Variants in SNX31 observed in about 807,000 individuals in gnomAD.
SNX31 encodes sorting nexin 31.
A neutral mutation model predicts 65.4 loss-of-function variants in SNX31; 58 were observed. The observed-to-expected ratio is 0.89, with a 90% CI of 0.72 to 1.10. SNX31 has a LOEUF of 1.10. SNX31 is among the 50% of genes least tolerant of loss of function. The pLI is 0.00. For missense variants in SNX31, 523 were observed against 529.7 expected, an observed-to-expected ratio of 0.99 and a Z score of 0.12; for synonymous variants, 181 against 190.1, an observed-to-expected ratio of 0.95 and a Z score of 0.39.
intron 2 of SNX31, among the ~76,000 whole-genome samples, chr8:100,637,673 A>G (rs1230766639): frequency 3.3e-5 from 5 of 152,108 alleles, no homozygotes; most frequent in African/African-American, 1.2e-4. Flanking sequence ...CTAACACAGC[A>G]TCTAAAGCGA....
chr8:100,602,902 A>G (rs1815775464), intron 8 of SNX31, among the ~76,000 whole-genome samples: 1 of 152,200 alleles, frequency 6.6e-6, no homozygotes, highest in Non-Finnish European at 1.5e-5. Flanking sequence ...GGTAACTGAA[A>G]CCACAGAAAG....
chr8:100,619,454 A>C (rs1407784868), intron 4 of SNX31, among the ~76,000 whole-genome samples: 1 of 152,220 alleles, frequency 6.6e-6, no homozygotes, highest in East Asian at 1.9e-4. Flanking sequence ...TGCTAGAAGC[A>C]GGAACAAATC....
chr8:100,573,930 T>A lies in SNX31; in HGVS notation c.1258A>T (p.Lys420Ter). The A allele has an allele frequency of 1.3e-6, 2 of 1,588,714 alleles. No homozygotes were observed. Among genetic ancestry groups the A allele is most frequent in the Non-Finnish European group, 1.7e-6 (2 of 1,167,962 alleles). ...QKDYSSFLSR[K>*]SKIKIAKDDC... Reference sequence around the variant, plus strand: ...TCTTTAGCTATCTTAATCTTGCTTTTTCTTGATAGAAAACTAGAATAGTCT... The same window carrying A: ...TCTTTAGCTATCTTAATCTTGCTTTATCTTGATAGAAAACTAGAATAGTCT... Residue 420 changes from lysine (K) to a stop codon, truncating the protein, a stop_gained, in exon 14 of 14, where the codon AAA becomes TAA. Transcript: ENST00000311812. LOFTEE classifies it high-confidence loss of function.
intron 13 of SNX31, among the ~76,000 whole-genome samples, chr8:100,574,525 C>T (rs1409554222): frequency 4.0e-5 from 6 of 150,626 alleles, no homozygotes; most frequent in Admixed American, 1.3e-4. Context: ...CCGAGCTATT[C>T]GGGAGGCTGA....
chr8:100,608,096 C>A lies in SNX31; in HGVS notation c.681+398G>T, dbSNP rs7832797. 2.4e-3 allele frequency among the ~76,000 whole-genome samples: 370 copies of A among 152,340 alleles called. 1 individual carries two copies. Among genetic ancestry groups the A allele is most frequent in the African/African-American group, 8.7e-3 (361 of 41,568 alleles). Reference sequence around the variant, plus strand: ...CTGCAAATTCAGAGATGGATTGTTACAATGGAGATAGAATTCCTTTTCTCT... The same window carrying A: ...CTGCAAATTCAGAGATGGATTGTTAAAATGGAGATAGAATTCCTTTTCTCT... On this transcript the variant is annotated intron_variant, in intron 8 of 13. Coordinates refer to ENST00000311812, the MANE Select transcript of SNX31 (RefSeq NM_152628.4).
chr8:100,598,143 G>T (rs1254734774), intron 9 of SNX31, among the ~76,000 whole-genome samples: 1 of 152,202 alleles, frequency 6.6e-6, no homozygotes, highest in Non-Finnish European at 1.5e-5. Flanking sequence ...CTGATCTCAT[G>T]CTGGCAGGAG....
intron 5 of SNX31, among the ~76,000 whole-genome samples, chr8:100,615,301 C>A (rs1044501413): frequency 2.0e-5 from 3 of 152,148 alleles, no homozygotes; most frequent in Non-Finnish European, 4.4e-5. Context: ...TACCACAGAA[C>A]CCTGGAGATA....
rs1451579854 is a variant in SNX31, at chr8:100,606,336, G to A, written c.681+2158C>T. On this transcript the variant is annotated intron_variant, in intron 8 of 13. Transcript: ENST00000311812. ...AGGTGTGTGTCCCCGTTTCCAGGCT[G>A]AACATAATTATACTTGGATTCATGT... is the stretch of plus-strand genomic sequence containing the variant. 2.0e-5 allele frequency among the ~76,000 whole-genome samples: 3 copies of A among 152,118 alleles called. No homozygotes were observed. In the East Asian group the frequency reaches 5.8e-4, roughly 29 times the overall value.
chr8:100,612,445 A>C lies in SNX31; in HGVS notation c.524-358T>G, dbSNP rs1174985834. On this transcript the variant is annotated intron_variant, in intron 6 of 13. Transcript: ENST00000311812. The surrounding 1 kb of genome is among the most constrained non-coding windows in gnomAD (Gnocchi z 4.3). ...AACCACCTCCCCTGGCTTCTTGAGG[A>C]CATTTATAAACTACTTTAATATAAC... Among the ~76,000 whole-genome samples, 1 of 151,718 alleles carries C rather than the reference A, an allele frequency of 6.6e-6. No homozygotes were observed. Among genetic ancestry groups the C allele is most frequent in the African/African-American group, 2.4e-5 (1 of 41,224 alleles).
rs1375128468 is a variant in SNX31 at position 100,630,273 on chromosome 8, A to C, written c.321+54T>G. The C allele has an allele frequency of 7.7e-6, 12 of 1,560,572 alleles. No individual in the cohort carries two copies. Among genetic ancestry groups the C allele is most frequent in the Non-Finnish European group, 9.7e-6 (11 of 1,132,866 alleles). ...GTGTGTGTACCTGCACACTTGGTTC[A>C]TGAAGAGTGTCCTGCAGAGGAATGA... On this transcript the variant is annotated intron_variant, in intron 4 of 13. Coordinates refer to ENST00000311812, the MANE Select transcript of SNX31 (RefSeq NM_152628.4). This position sits in a 1 kb window ranked among gnomAD's most constrained non-coding sequence, Gnocchi z 5.3.
rs901406803 is a variant in SNX31, at chr8:100,594,767, C to T, written c.978+1872G>A. 9.2e-5 allele frequency among the ~76,000 whole-genome samples: 14 copies of T among 152,158 alleles called. No individual in the cohort carries two copies. The highest frequency in any genetic ancestry group is 3.9e-4 in the East Asian group (2 of 5,192). On this transcript the variant is annotated intron_variant, in intron 10 of 13. Coordinates refer to ENST00000311812, the MANE Select transcript of SNX31 (RefSeq NM_152628.4). This position sits in a 1 kb window ranked among gnomAD's most constrained non-coding sequence, Gnocchi z 4.0. ...CTTTAAAAAGTAAACATGCAATTAC[C>T]GTACGACCCAGCAATTGCACTTGTG...
At position 100,613,161 on chromosome 8, in the gene SNX31, G is replaced by A; in HGVS notation, c.433-76C>T. 4.5e-6 allele frequency: 5 copies of A among 1,115,176 alleles called. No homozygotes were observed. In the South Asian group the frequency reaches 5.1e-5, roughly 11 times the overall value. The allele number at this position is 1,115,176 out of a possible 1,614,324, so 69.1% of individuals were successfully genotyped here. On this transcript the variant is annotated intron_variant, in intron 5 of 13. Coordinates refer to ENST00000311812, the MANE Select transcript of SNX31 (RefSeq NM_152628.4). This position sits in a 1 kb window ranked among gnomAD's most constrained non-coding sequence, Gnocchi z 5.2. ...CATCCTAACTGTGACATGCAGACTT[G>A]GAAATGGCCGGTACACATCAATAAA...
At chr8:100,608,383 C>G (rs1816381138) in intron 8 of SNX31, 111 bp downstream of exon 8, 2 of 913,870 alleles carry the variant, frequency 2.2e-6, no homozygotes, top group South Asian at 2.9e-5. Context: ...ATGAATGTGC[C>G]TGTTTTAGGT....
At position 100,660,049 on chromosome 8, in the gene SNX31, G is replaced by A. The variant is rs1809758519; in HGVS notation, c.-58+3093C>T. Among the ~76,000 whole-genome samples, 1 of 152,100 alleles carries A rather than the reference G, an allele frequency of 6.6e-6. No individual in the cohort carries two copies. The highest frequency in any genetic ancestry group is 2.1e-4 in the South Asian group (1 of 4,832). ...GACTTAGGAACTACAGGAGAAAAAA[G>A]AATGAAAATATGATTAAGATCACTC... On this transcript the variant is annotated intron_variant, in intron 1 of 5. Transcript: ENST00000520352. This position sits in a 1 kb window ranked among gnomAD's most constrained non-coding sequence, Gnocchi z 4.1.
intron 5 of SNX31, among the ~76,000 whole-genome samples, chr8:100,616,656 A>G (rs1817230620): frequency 6.6e-6 from 1 of 152,180 alleles, no homozygotes; most frequent in African/African-American, 2.4e-5. Context: ...CTGGGAAACA[A>G]TGAGGGCTGG....
chr8:100,584,212 C>T (rs766869539), intron 11 of SNX31, 24 bp from the exon 12 acceptor site: 19 of 1,565,496 alleles, frequency 1.2e-5, no homozygotes, highest in Non-Finnish European at 1.6e-5. Context: ...GAATAAAGAA[C>T]TCTTGTAACC....
chr8:100,588,764 G>C lies in SNX31; in HGVS notation c.1092+102C>G, dbSNP rs989942485. The C allele has an allele frequency of 2.7e-6, 2 of 737,860 alleles. No homozygotes were observed. Among genetic ancestry groups the C allele is most frequent in the Admixed American group, 4.6e-5 (2 of 43,926 alleles). 45.7% of individuals were successfully genotyped at this position (737,860 alleles called of 1,614,324 possible). ...AACGAGAGTGCATAGAACACTTTAG[G>C]GTCCTGCTCTAGTTGGGTTAGGGTC... is the stretch of plus-strand genomic sequence containing the variant. On this transcript the variant is annotated intron_variant, in intron 11 of 13. Transcript: ENST00000311812. This position sits in a 1 kb window ranked among gnomAD's most constrained non-coding sequence, Gnocchi z 4.8.
At chr8:100,607,359 G>A (rs893192955) in intron 8 of SNX31, among the ~76,000 whole-genome samples, 3 of 152,160 alleles carry the variant, frequency 2.0e-5, no homozygotes, top group Admixed American at 6.5e-5. Flanking sequence ...GTATGTTGGC[G>A]GCAGCACCGG....
upstream of SNX31, among the ~76,000 whole-genome samples, chr8:100,654,477 TAAC>T (rs1292476385): frequency 3.9e-5 from 6 of 152,196 alleles, no homozygotes; most frequent in African/African-American, 1.2e-4. Flanking sequence ...CAAACAAAAA[TAAC>T]GTTTCAGTCT....
Sources: allele counts gnomAD v4.1 joint callset (sites outside exome capture counted in the v4.1 genomes callset), GRCh38; gene constraint gnomAD v4.1.1; non-coding constraint Gnocchi (gnomAD v3.1); transcripts MANE v1.5; gene names NCBI Gene and HGNC (gene_info 2026-07-23, HGNC 2026-07-21).